HS6ST3: variants seen among roughly 807,000 people sequenced by gnomAD.
The protein encoded by HS6ST3 is heparan sulfate 6-O-sulfotransferase 3.
Under a neutral mutation model 36.7 loss-of-function variants are expected in HS6ST3, and 12 were observed. The ratio of observed to expected loss-of-function variants is 0.33; its 90% CI spans 0.21 to 0.53. The LOEUF (loss-of-function observed/expected upper bound fraction) is 0.53. HS6ST3 is among the 20% of genes least tolerant of loss of function. HS6ST3 has a pLI of 0.95. For missense variants in HS6ST3, 584 were observed against 640.9 expected (o/e 0.91, Z 0.96); for synonymous variants, 240 against 257.5 (o/e 0.93, Z 0.65).
At chr13:96,257,926 T>C (rs1333354688) in intron 1 of HS6ST3, among the ~76,000 whole-genome samples, 1 of 152,222 alleles carries the variant, frequency 6.6e-6, no homozygotes, top group Non-Finnish European at 1.5e-5. Context: ...ACAAACGTCA[T>C]TTTTTCCTTT....
chr13:96,256,283 T>A (rs1383708193), intron 1 of HS6ST3, among the ~76,000 whole-genome samples: 8 of 152,346 alleles, frequency 5.3e-5, no homozygotes, highest in Non-Finnish European at 1.5e-5. Flanking sequence ...TTGTCACATG[T>A]ATTGAAACAT....
At chr13:96,723,962 CTATCT>C (rs1875920601) in intron 1 of HS6ST3, among the ~76,000 whole-genome samples, 1 of 152,036 alleles carries the variant, frequency 6.6e-6, no homozygotes, top group Non-Finnish European at 1.5e-5. Flanking sequence ...CTTCTTCATC[CTATCT>C]TTTCTTTCTT....
At chr13:96,389,491 A>G (rs2055385263) in intron 1 of HS6ST3, among the ~76,000 whole-genome samples, 1 of 152,146 alleles carries the variant, frequency 6.6e-6, no homozygotes, top group Non-Finnish European at 1.5e-5. Flanking sequence ...CCCTTGCTCC[A>G]GGGGACATAA....
intron 1 of HS6ST3, among the ~76,000 whole-genome samples, chr13:96,687,670 T>C (rs1874822974): frequency 6.6e-6 from 1 of 151,910 alleles, no homozygotes; most frequent in Admixed American, 6.6e-5. Context: ...TATCTAAACA[T>C]TATTGCGGAT....
intron 1 of HS6ST3, among the ~76,000 whole-genome samples, chr13:96,246,914 T>C (rs2054587427): frequency 6.6e-6 from 1 of 152,156 alleles, no homozygotes; most frequent in African/African-American, 2.4e-5. Flanking sequence ...GAATGGTAAT[T>C]GATTTTGCTT....
At chr13:96,294,280 A>G (rs1211655318) in intron 1 of HS6ST3, among the ~76,000 whole-genome samples, 1 of 152,194 alleles carries the variant, frequency 6.6e-6, no homozygotes, top group Non-Finnish European at 1.5e-5. Flanking sequence ...AGCAATTTCT[A>G]TATAGGTATC....
intron 1 of HS6ST3, among the ~76,000 whole-genome samples, chr13:96,360,517 C>T (rs916455348): frequency 6.6e-6 from 1 of 151,888 alleles, no homozygotes; most frequent in African/African-American, 2.4e-5. Context: ...TTCAATCACC[C>T]ACTGTCAGAA....
intron 1 of HS6ST3, among the ~76,000 whole-genome samples, chr13:96,643,798 G>C (rs1038418152): frequency 6.6e-6 from 1 of 151,918 alleles, no homozygotes; most frequent in African/African-American, 2.4e-5. Flanking sequence ...CAGGCTGCTG[G>C]TGTTAATTAT....
intron 1 of HS6ST3, among the ~76,000 whole-genome samples, chr13:96,381,483 T>G (rs1222427188): frequency 6.9e-6 from 1 of 144,986 alleles, no homozygotes; most frequent in Non-Finnish European, 1.6e-5. Flanking sequence ...GGGTTAAGAG[T>G]GCAGACTCTG....
At chr13:96,583,575 G>A (rs2056350206) in intron 1 of HS6ST3, among the ~76,000 whole-genome samples, 1 of 151,978 alleles carries the variant, frequency 6.6e-6, no homozygotes, top group Admixed American at 6.6e-5. Context: ...TAGTCCATGC[G>A]TTCTGCCCAA....
intron 1 of HS6ST3, among the ~76,000 whole-genome samples, chr13:96,734,297 A>G (rs1876229627): frequency 2.0e-5 from 3 of 152,226 alleles, no homozygotes; most frequent in Admixed American, 1.3e-4. Flanking sequence ...ATTTGCTCCT[A>G]GCTTGGTCAT....
intron 1 of HS6ST3, among the ~76,000 whole-genome samples, chr13:96,149,419 C>T (rs1233363724): frequency 2.6e-5 from 4 of 151,830 alleles, no homozygotes; most frequent in African/African-American, 9.7e-5. Flanking sequence ...ATAGTGTGAC[C>T]TCCCATTTTC....
intron 1 of HS6ST3, among the ~76,000 whole-genome samples, chr13:96,772,994 C>T (rs1375509903): frequency 1.3e-5 from 2 of 152,140 alleles, no homozygotes; most frequent in African/African-American, 4.8e-5. Context: ...ACTGGTTAGA[C>T]AGTGGGTCCA....
intron 1 of HS6ST3, among the ~76,000 whole-genome samples, chr13:96,161,536 G>A (rs957813227): frequency 1.3e-5 from 2 of 152,124 alleles, no homozygotes; most frequent in African/African-American, 4.8e-5. Context: ...TTTCTGGAAT[G>A]GAAGACCTAG....
chr13:96,104,704 C>G (rs1176179520), intron 1 of HS6ST3, among the ~76,000 whole-genome samples: 2 of 152,204 alleles, frequency 1.3e-5, no homozygotes, highest in Admixed American at 1.3e-4. Context: ...ATGATTCAAA[C>G]TGGCCAGTCC....
At chr13:96,616,815 ATTAAT>A (rs1380974942) in intron 1 of HS6ST3, among the ~76,000 whole-genome samples, 1 of 152,222 alleles carries the variant, frequency 6.6e-6, no homozygotes, top group Non-Finnish European at 1.5e-5. Flanking sequence ...TCAGCATCTT[ATTAAT>A]TTGTGTTTCC....
At chr13:96,397,485 G>A (rs1277931850) in intron 1 of HS6ST3, among the ~76,000 whole-genome samples, 1 of 151,852 alleles carries the variant, frequency 6.6e-6, no homozygotes, top group Non-Finnish European at 1.5e-5. Context: ...CCACTTCTTT[G>A]ACTCATCAAT....
intron 1 of HS6ST3, among the ~76,000 whole-genome samples, chr13:96,734,229 G>A (rs903617986): frequency 3.9e-5 from 6 of 152,180 alleles, no homozygotes; most frequent in African/African-American, 1.4e-4. Context: ...GTACTCACAA[G>A]TAAGTGCTGC....
chr13:96,479,428 T>A lies in HS6ST3; in HGVS notation c.708-353062T>A, dbSNP rs150409368. Among the ~76,000 whole-genome samples the A allele has an allele frequency of 1.3e-3, 198 of 152,214 alleles. 1 individual carries two copies. Among genetic ancestry groups the A allele is most frequent in the African/African-American group, 4.6e-3 (193 of 41,516 alleles). ...AGTTTCCATTTTTTCCTTGAAGCAATGGGGAATCATTGAATGATTTTAGGT... is the reference window on the plus strand; with the variant it reads ...AGTTTCCATTTTTTCCTTGAAGCAAAGGGGAATCATTGAATGATTTTAGGT... On this transcript the variant is annotated intron_variant, in intron 1 of 1. Coordinates refer to ENST00000376705, the MANE Select transcript of HS6ST3 (RefSeq NM_153456.4).
Sources: gnomAD v4.1 joint callset for allele counts (sites outside exome capture counted in the v4.1 genomes callset) on GRCh38, gnomAD v4.1.1 for gene constraint, MANE v1.5 for transcripts, NCBI Gene and HGNC (gene_info 2026-07-23, HGNC 2026-07-21) for gene names.